AATF: variants seen among roughly 807,000 people sequenced by gnomAD.
AATF encodes protein AATF.
Under a neutral mutation model 63.7 loss-of-function variants are expected in AATF, and 48 were observed. The observed-to-expected ratio is 0.75, with a 90% confidence interval of 0.60 to 0.96. AATF has a LOEUF of 0.96. Ranked by LOEUF, AATF falls within the 40% of genes least tolerant of loss-of-function variation. The pLI is 0.00. For missense variants in AATF, 639 were observed against 685.7 expected (o/e 0.93, Z 0.76); for synonymous variants, 258 against 247.7 (o/e 1.04, Z -0.39).
At chr17:36,975,797 T>G (rs1056439927) in intron 4 of AATF, among the ~76,000 whole-genome samples, 21 of 152,220 alleles carry the variant, frequency 1.4e-4, no homozygotes, top group Admixed American at 1.3e-3. Flanking sequence ...AGTGCCCCTT[T>G]CGGCACGTTT....
intron 10 of AATF, among the ~76,000 whole-genome samples, chr17:37,028,270 T>C (rs1197927628): frequency 6.6e-6 from 1 of 151,668 alleles, no homozygotes; most frequent in African/African-American, 2.4e-5. Context: ...ATTTAAAAAT[T>C]AGCCAGGCAT....
At position 37,020,916 on chromosome 17, in the gene AATF, T is replaced by C. The variant is rs1348630007; in HGVS notation, c.1467-18T>C. 39 of 1,604,810 alleles carry C rather than the reference T, an allele frequency of 2.4e-5. No homozygotes were observed. The highest frequency in any genetic ancestry group is 3.3e-5 in the Non-Finnish European group (39 of 1,174,452). ...TTCTGTTAGTGATGATGCATAACAT[T>C]GCTTGTGAATTTTCCAGGCAGTGGC... is the stretch of plus-strand genomic sequence containing the variant. On this transcript the variant is annotated intron_variant, in intron 9 of 11. Coordinates refer to ENST00000619387, the MANE Select transcript of AATF (RefSeq NM_012138.4).
chr17:36,975,641 C>T (rs2071074234), intron 4 of AATF, among the ~76,000 whole-genome samples: 1 of 152,104 alleles, frequency 6.6e-6, no homozygotes, highest in African/African-American at 2.4e-5. Context: ...TTTGTACCTA[C>T]CTCTTTGCTT....
intron 8 of AATF, among the ~76,000 whole-genome samples, chr17:36,996,801 A>G (rs1213109562): frequency 4.6e-5 from 7 of 152,196 alleles, no homozygotes; most frequent in Non-Finnish European, 5.9e-5. Context: ...AAATTTCATC[A>G]AACAGGAGCG....
intron 10 of AATF, 27 bp downstream of exon 10, chr17:37,021,041 A>C: frequency 2.5e-5 from 39 of 1,561,912 alleles, no homozygotes; most frequent in Non-Finnish European, 3.1e-5. Flanking sequence ...AAAAAATGTC[A>C]ACATATATTG....
chr17:36,987,050 T>C (rs1024920970), intron 5 of AATF, among the ~76,000 whole-genome samples: 2 of 152,156 alleles, frequency 1.3e-5, no homozygotes, highest in Admixed American at 1.3e-4. Context: ...TGCAGTGATG[T>C]GATCGCAGCT....
intron 4 of AATF, among the ~76,000 whole-genome samples, chr17:36,981,704 T>TTTC (rs2071126519): frequency 1.4e-5 from 2 of 138,896 alleles, no homozygotes; most frequent in African/African-American, 5.7e-5. Context: ...TTTCTTTTCT[T>TTTC]TTTTTTTTTT....
intron 8 of AATF, among the ~76,000 whole-genome samples, chr17:37,002,535 G>A (rs2071308091): frequency 6.6e-6 from 1 of 151,616 alleles, no homozygotes; most frequent in African/African-American, 2.4e-5. Flanking sequence ...AATTAGCCGT[G>A]GTGGTGGGCG....
intron 8 of AATF, among the ~76,000 whole-genome samples, chr17:37,000,235 A>G (rs2071283799): frequency 6.6e-6 from 1 of 152,104 alleles, no homozygotes; most frequent in Non-Finnish European, 1.5e-5. Flanking sequence ...TTCTGGATTT[A>G]TGTTGAAGGT....
chr17:36,999,126 A>G (rs1042404322), intron 8 of AATF: 8 of 152,210 alleles, frequency 5.3e-5, no homozygotes, highest in Admixed American at 2.6e-4. Context: ...TGGAAGCCGT[A>G]TGGAGTTGCT....
At chr17:36,995,421 G>A (rs1205854721) in intron 8 of AATF, among the ~76,000 whole-genome samples, 1 of 152,142 alleles carries the variant, frequency 6.6e-6, no homozygotes, top group African/African-American at 2.4e-5. Context: ...TAATTAAATT[G>A]GTGAGCGATT....
intron 4 of AATF, among the ~76,000 whole-genome samples, chr17:36,965,821 C>G (rs1309237051): frequency 6.6e-6 from 1 of 152,108 alleles, no homozygotes; most frequent in Non-Finnish European, 1.5e-5. Context: ...TCCACTTCAG[C>G]CTCCCAAGTA....
intron 11 of AATF, among the ~76,000 whole-genome samples, chr17:37,052,001 C>A (rs1336447076): frequency 4.6e-5 from 7 of 152,112 alleles, no homozygotes; most frequent in Admixed American, 4.6e-4. Flanking sequence ...CTGCTATCGA[C>A]CTTCTACCTC....
At chr17:37,029,431 AGAGG>A (rs1316268771) in intron 10 of AATF, among the ~76,000 whole-genome samples, 1 of 151,744 alleles carries the variant, frequency 6.6e-6, no homozygotes, top group Non-Finnish European at 1.5e-5. Context: ...TTTAGTAGAG[AGAGG>A]GTTTTGCCGT....
At chr17:37,039,266 G>A (rs1051930849) in intron 11 of AATF, among the ~76,000 whole-genome samples, 1 of 152,182 alleles carries the variant, frequency 6.6e-6, no homozygotes, top group African/African-American at 2.4e-5. Context: ...AATGGTTAAA[G>A]TACAGATGTT....
At chr17:36,983,727 G>A (rs2071145608) in intron 4 of AATF, among the ~76,000 whole-genome samples, 1 of 152,104 alleles carries the variant, frequency 6.6e-6, no homozygotes, top group African/African-American at 2.4e-5. Flanking sequence ...TTTTTTTGGT[G>A]ATAGTTATGT....
intron 2 of AATF, among the ~76,000 whole-genome samples, chr17:36,951,870 A>G (rs1030299383): frequency 6.6e-6 from 1 of 152,206 alleles, no homozygotes; most frequent in Non-Finnish European, 1.5e-5. Flanking sequence ...CTTTCCTAAA[A>G]TCTTTATTTT....
chr17:37,030,198 A>T (rs1379878989), intron 10 of AATF, among the ~76,000 whole-genome samples: 1 of 152,164 alleles, frequency 6.6e-6, no homozygotes, highest in African/African-American at 2.4e-5. Context: ...GGCATGAGCC[A>T]CCACACCCTG....
intron 11 of AATF, among the ~76,000 whole-genome samples, chr17:37,049,472 G>A (rs546503879): frequency 2.0e-5 from 3 of 152,096 alleles, no homozygotes; most frequent in Non-Finnish European, 2.9e-5. Flanking sequence ...AGGCGTGGTG[G>A]CGGGCACCTG....
Sources: gnomAD v4.1 joint callset for allele counts (sites outside exome capture counted in the v4.1 genomes callset) on GRCh38, gnomAD v4.1.1 for gene constraint, MANE v1.5 for transcripts, NCBI Gene and HGNC (gene_info 2026-07-23, HGNC 2026-07-21) for gene names.